The following ZNF407 variants were observed in gnomAD, a reference collection of about 807,000 sequenced individuals.
ZNF407 encodes the protein zinc finger protein 407.
Under a neutral mutation model 131.2 loss-of-function variants are expected in ZNF407, and 17 were observed. The observed-to-expected ratio is 0.13, with a 90% confidence interval of 0.09 to 0.19. The LOEUF (loss-of-function observed/expected upper bound fraction) is 0.19, where lower values mean the gene tolerates loss of function less well. Ranked by LOEUF, ZNF407 falls within the 10% of genes least tolerant of loss-of-function variation. The pLI is 1.00. For synonymous variants in ZNF407, 1,156 were observed against 1,062.0 expected, an observed-to-expected ratio of 1.09 and a Z score of -1.72; for missense variants, 2,681 against 2,830.6, an observed-to-expected ratio of 0.95 and a Z score of 1.20.
At chr18:74,791,013 T>C (rs1011344852) in intron 4 of ZNF407, among the ~76,000 whole-genome samples, 5 of 152,330 alleles carry the variant, frequency 3.3e-5, no homozygotes, top group African/African-American at 7.2e-5. Context: ...GCATGATTGA[T>C]CTATTGTGAG....
chr18:74,763,729 A>G (rs1253252644), intron 3 of ZNF407, among the ~76,000 whole-genome samples: 2 of 63,134 alleles, frequency 3.2e-5, no homozygotes, highest in Admixed American at 4.7e-4. Context: ...TTTTTTTTTG[A>G]GACGGAGTCT....
intron 3 of ZNF407, among the ~76,000 whole-genome samples, chr18:74,730,844 G>A (rs148868521): frequency 1.3e-5 from 2 of 152,270 alleles, no homozygotes; most frequent in Non-Finnish European, 2.9e-5. Flanking sequence ...TGAGCATTTT[G>A]TTCAGCTGGT....
intron 3 of ZNF407, among the ~76,000 whole-genome samples, chr18:74,776,213 T>C (rs768335543): frequency 6.6e-6 from 1 of 152,210 alleles, no homozygotes. Flanking sequence ...TGTGGACACA[T>C]AGAAGACGCC....
chr18:74,941,504 A>G (rs1171190325), intron 8 of ZNF407, among the ~76,000 whole-genome samples: 1 of 152,228 alleles, frequency 6.6e-6, no homozygotes, highest in African/African-American at 2.4e-5. Flanking sequence ...GGCATAGAGC[A>G]AAAAGCAAAA....
In ZNF407 at chr18:74,631,344, G is replaced by C. The variant is rs372507403; in HGVS notation, c.325G>C (p.Asp109His). 3 of 1,614,018 alleles carry C rather than the reference G, an allele frequency of 1.9e-6. No individual in the cohort carries two copies. Among genetic ancestry groups the C allele is most frequent in the Non-Finnish European group, 8.5e-7 (1 of 1,179,900 alleles). Reference protein sequence around the residue: ...SSVTEGGIALDETGKETFLSD... With the variant: ...SSVTEGGIALHETGKETFLSD... ...AGTCACAGAAGGGGGTATTGCATTA[G>C]ATGAAACAGGGAAGGAGACCTTTCT... The change falls in exon 2 of 9, where the codon GAT becomes CAT. Residue 109 changes from aspartate (D) to histidine (H), a missense_variant. Asp to His is a moderately conservative substitution (Grantham distance 81). This residue lies in a region of ZNF407 where 1,789 missense variants were observed against 1,748.7 expected (regional missense o/e 1.02). Transcript: ENST00000299687.
In ZNF407 at chr18:74,705,739, ATACT is replaced by A. The variant is rs1967609753; in HGVS notation, c.4802+64618_4802+64621del. On this transcript the variant is annotated intron_variant, in intron 3 of 8. Coordinates refer to ENST00000299687, the MANE Select transcript of ZNF407 (RefSeq NM_017757.3). ...CATGTGTCTTGTAAATAGAAAACAA[ATACT>A]GGACATTTTTGACAATATGAAAATT... Among the ~76,000 whole-genome samples, 4 of 152,340 alleles carry A rather than the reference ATACT, an allele frequency of 2.6e-5. No individual in the cohort carries two copies. The East Asian group carries it at 7.7e-4, about 29-fold the overall frequency.
chr18:74,652,856 T>C (rs180712231), intron 3 of ZNF407, among the ~76,000 whole-genome samples: 76 of 152,156 alleles, frequency 5.0e-4, no homozygotes, highest in African/African-American at 1.8e-3. Context: ...GTTAGGTGTT[T>C]ATAGCTGATC....
chr18:74,918,727 G>C (rs1305109908), intron 7 of ZNF407, among the ~76,000 whole-genome samples: 1 of 151,910 alleles, frequency 6.6e-6, no homozygotes, highest in East Asian at 1.9e-4. Context: ...TTAAAAAGGT[G>C]TTATTGTTAT....
intron 7 of ZNF407, among the ~76,000 whole-genome samples, chr18:74,907,810 C>A (rs1971616722): frequency 6.6e-6 from 1 of 152,192 alleles, no homozygotes; most frequent in Non-Finnish European, 1.5e-5. Context: ...ATATTTTAAA[C>A]TTGAAGGATA....
intron 4 of ZNF407, among the ~76,000 whole-genome samples, chr18:74,823,752 C>A (rs1395550200): frequency 6.6e-6 from 1 of 152,104 alleles, no homozygotes; most frequent in Non-Finnish European, 1.5e-5. Context: ...GACTCCCACA[C>A]AATAATAGTG....
chr18:74,775,072 A>G (rs964187876), intron 3 of ZNF407, among the ~76,000 whole-genome samples: 1 of 152,246 alleles, frequency 6.6e-6, no homozygotes, highest in Non-Finnish European at 1.5e-5. Flanking sequence ...ACAGTTCACA[A>G]TTAAAAAATA....
chr18:74,873,555 A>T (rs1280006486), intron 4 of ZNF407, among the ~76,000 whole-genome samples: 1 of 152,130 alleles, frequency 6.6e-6, no homozygotes, highest in Admixed American at 6.5e-5. Context: ...GAATTTTAGG[A>T]ACCCCTTATT....
intron 8 of ZNF407, among the ~76,000 whole-genome samples, chr18:74,935,548 C>G (rs8098303): frequency 0.13 from 19,488 of 152,182 alleles, 1,517 homozygotes; most frequent in Admixed American, 0.25. Flanking sequence ...CTTGGAAGTG[C>G]TCTTGCCATT....
chr18:75,024,380 TA>T (rs1348223443), intron 8 of ZNF407, among the ~76,000 whole-genome samples: 1 of 152,132 alleles, frequency 6.6e-6, no homozygotes, highest in Admixed American at 6.5e-5. Context: ...AAAATTTACC[TA>T]AAGAATACAG....
intron 7 of ZNF407, among the ~76,000 whole-genome samples, chr18:74,917,397 C>T (rs1182003182): frequency 1.3e-5 from 2 of 152,066 alleles, no homozygotes; most frequent in African/African-American, 2.4e-5. Flanking sequence ...CAAACATATG[C>T]ACATATCTGT....
chr18:74,905,548 T>G (rs1599233167), intron 7 of ZNF407: 1 of 152,392 alleles, frequency 6.6e-6, no homozygotes, highest in East Asian at 1.9e-4. Flanking sequence ...AATGCGTCAG[T>G]GTTCATCCAC....
At chr18:74,767,819 A>ACT (rs1969274421) in intron 3 of ZNF407, among the ~76,000 whole-genome samples, 1 of 35,762 alleles carries the variant, frequency 2.8e-5, no homozygotes, top group African/African-American at 6.0e-5. Flanking sequence ...ACGCCTGGCT[A>ACT]ATTTTTTTTT....
intron 3 of ZNF407, among the ~76,000 whole-genome samples, chr18:74,677,067 A>T (rs1280107599): frequency 6.6e-6 from 1 of 151,806 alleles, no homozygotes. Context: ...ATTTACATTT[A>T]CCCATGTGTT....
Position 74,754,833 on chromosome 18 carries a change from G to A in ZNF407, c.4803-26595G>A, listed in dbSNP as rs867417386. 4.6e-5 allele frequency among the ~76,000 whole-genome samples: 7 copies of A among 152,280 alleles called. No individual in the cohort carries two copies. The South Asian group carries it at 1.0e-3, about 23-fold the overall frequency. The stretch of plus-strand genomic sequence containing the variant: ...AGAAGAATGTATATTCTGTTGATTC[G>A]GGGTGGAGAGTTCTGTAGATGTCTA... On this transcript the variant is annotated intron_variant, in intron 3 of 8. Coordinates refer to ENST00000299687, the MANE Select transcript of ZNF407 (RefSeq NM_017757.3).
Sources: allele counts gnomAD v4.1 joint callset (sites outside exome capture counted in the v4.1 genomes callset), GRCh38; gene constraint gnomAD v4.1.1; regional missense constraint gnomAD v4.1.1; transcripts MANE v1.5; gene names NCBI Gene and HGNC (gene_info 2026-07-23, HGNC 2026-07-21).